The following NKAIN3 variants were observed in gnomAD, a reference collection of about 807,000 sequenced individuals.
NKAIN3 encodes the protein sodium/potassium-transporting ATPase subunit beta-1-interacting protein 3.
A neutral mutation model predicts 30.2 loss-of-function variants in NKAIN3; 25 were observed. The observed-to-expected ratio is 0.83, with a 90% confidence interval of 0.60 to 1.16. NKAIN3 has a LOEUF of 1.16. Ranked by LOEUF, NKAIN3 falls within the 50% of genes most tolerant of loss-of-function variation. NKAIN3 has a pLI of 0.00. For missense variants in NKAIN3, 225 were observed against 254.1 expected, an observed-to-expected ratio of 0.89 and a Z score of 0.78; for synonymous variants, 91 against 89.6, an observed-to-expected ratio of 1.02 and a Z score of -0.09.
intron 1 of NKAIN3, among the ~76,000 whole-genome samples, chr8:62,515,125 T>C (rs1230451197): frequency 6.6e-6 from 1 of 152,182 alleles, no homozygotes; most frequent in African/African-American, 2.4e-5. Context: ...TTGTTTTGTC[T>C]GGGTATGTTT....
intron 1 of NKAIN3, chr8:62,473,242 A>C (rs1806412528): frequency 1.3e-5 from 2 of 152,226 alleles, no homozygotes; most frequent in African/African-American, 4.8e-5. Context: ...GTAATTGTGC[A>C]CTGAAGTACA....
Position 62,495,521 on chromosome 8 carries a change from C to G in NKAIN3, c.55-84018C>G, listed in dbSNP as rs567563715. Among the ~76,000 whole-genome samples the G allele has an allele frequency of 4.0e-5, 6 of 149,846 alleles. No homozygotes were observed. In the East Asian group the frequency reaches 7.8e-4, roughly 20 times the overall value. Reference sequence around the variant, plus strand: ...AAGAATACAAAAGTAGACCTGCTGTCTGCTCTTGGGGAACAATGAGACAGA... The same window carrying G: ...AAGAATACAAAAGTAGACCTGCTGTGTGCTCTTGGGGAACAATGAGACAGA... On this transcript the variant is annotated intron_variant, in intron 1 of 6. Coordinates refer to ENST00000623646, the MANE Select transcript of NKAIN3 (RefSeq NM_001304533.3).
chr8:62,648,943 A>AT (rs1313123332), intron 3 of NKAIN3, among the ~76,000 whole-genome samples: 1 of 152,142 alleles, frequency 6.6e-6, no homozygotes, highest in Non-Finnish European at 1.5e-5. Flanking sequence ...CGGAGCTGGA[A>AT]TTTTGTAAGT....
chr8:62,913,739 C>T (rs1012202962), intron 4 of NKAIN3, among the ~76,000 whole-genome samples: 3 of 152,188 alleles, frequency 2.0e-5, no homozygotes, highest in Non-Finnish European at 2.9e-5. Context: ...GTGTCCTCCT[C>T]TTAGTACAAG....
intron 3 of NKAIN3, among the ~76,000 whole-genome samples, chr8:62,596,404 T>G (rs535151713): frequency 6.6e-6 from 1 of 152,050 alleles, no homozygotes; most frequent in Non-Finnish European, 1.5e-5. Context: ...CTGGTGACCC[T>G]GGCAGTGTAA....
intron 1 of NKAIN3, among the ~76,000 whole-genome samples, chr8:62,273,540 C>G (rs1334578872): frequency 1.3e-5 from 2 of 152,174 alleles, no homozygotes; most frequent in East Asian, 1.9e-4. Flanking sequence ...ATGCAGCAGA[C>G]AGTTCTTTCT....
chr8:62,627,854 A>C (rs1279996598), intron 3 of NKAIN3, among the ~76,000 whole-genome samples: 1 of 152,068 alleles, frequency 6.6e-6, no homozygotes, highest in Non-Finnish European at 1.5e-5. Context: ...CTTACTGGCC[A>C]TGTGCCCTTA....
intron 3 of NKAIN3, among the ~76,000 whole-genome samples, chr8:62,632,238 A>G (rs1028640794): frequency 2.0e-5 from 3 of 152,284 alleles, no homozygotes; most frequent in Non-Finnish European, 2.9e-5. Context: ...TATTTCTAAC[A>G]TAACATTTAT....
intron 3 of NKAIN3, among the ~76,000 whole-genome samples, chr8:62,678,889 C>G (rs188099179): frequency 2.0e-5 from 3 of 152,092 alleles, no homozygotes; most frequent in Admixed American, 2.0e-4. Context: ...ATAAATGTGT[C>G]ATGTATCTAG....
intron 1 of NKAIN3, among the ~76,000 whole-genome samples, chr8:62,435,488 C>A (rs1259696779): frequency 6.6e-6 from 1 of 152,074 alleles, no homozygotes; most frequent in Non-Finnish European, 1.5e-5. Flanking sequence ...ATATACGAAG[C>A]CAAGAAATAA....
intron 3 of NKAIN3, among the ~76,000 whole-genome samples, chr8:62,722,998 T>C (rs971075628): frequency 2.6e-5 from 4 of 152,142 alleles, no homozygotes; most frequent in African/African-American, 9.7e-5. Flanking sequence ...ATCTTCAACT[T>C]TGCAATTAAT....
chr8:62,352,759 G>T (rs1294003319), intron 1 of NKAIN3, among the ~76,000 whole-genome samples: 4 of 152,080 alleles, frequency 2.6e-5, no homozygotes, highest in African/African-American at 9.7e-5. Flanking sequence ...ATAATTACAG[G>T]TGAGCATGCG....
intron 1 of NKAIN3, among the ~76,000 whole-genome samples, chr8:62,411,604 G>C (rs111316749): frequency 6.6e-6 from 1 of 152,176 alleles, no homozygotes; most frequent in Non-Finnish European, 1.5e-5. Flanking sequence ...AGGAAAAGAA[G>C]ATGTCAAACT....
intron 4 of NKAIN3, among the ~76,000 whole-genome samples, chr8:62,849,887 C>T (rs1819829738): frequency 6.6e-6 from 1 of 151,996 alleles, no homozygotes; most frequent in Non-Finnish European, 1.5e-5. Flanking sequence ...CAAGTCTTTG[C>T]TATTGTGAAT....
chr8:62,684,758 T>C (rs1813745076), intron 3 of NKAIN3, among the ~76,000 whole-genome samples: 1 of 152,132 alleles, frequency 6.6e-6, no homozygotes, highest in Non-Finnish European at 1.5e-5. Context: ...GTCATTGGGG[T>C]GGGCCCTAAT....
chr8:62,876,533 A>G (rs976471733), intron 4 of NKAIN3, among the ~76,000 whole-genome samples: 8 of 152,200 alleles, frequency 5.3e-5, no homozygotes, highest in African/African-American at 1.7e-4. Flanking sequence ...TTGCAGCACT[A>G]TTTACAATAG....
chr8:62,991,046 G>A (rs1392571269), intron 5 of NKAIN3: 1 of 152,268 alleles, frequency 6.6e-6, no homozygotes, highest in Non-Finnish European at 1.5e-5. Context: ...AACCTCAGGA[G>A]ATGCCTTCCA....
intron 1 of NKAIN3, among the ~76,000 whole-genome samples, chr8:62,549,951 G>A (rs1809143202): frequency 6.8e-6 from 1 of 147,886 alleles, no homozygotes; most frequent in Non-Finnish European, 1.5e-5. Flanking sequence ...TAGATCACTG[G>A]ACATGGGTAG....
intron 1 of NKAIN3, among the ~76,000 whole-genome samples, chr8:62,452,558 T>C (rs558266566): frequency 2.0e-5 from 3 of 152,260 alleles, no homozygotes; most frequent in African/African-American, 7.2e-5. Context: ...GCAAAAGTCA[T>C]TTCCAATGTG....
Sources: gnomAD v4.1 joint callset for allele counts (sites outside exome capture counted in the v4.1 genomes callset) on GRCh38, gnomAD v4.1.1 for gene constraint, MANE v1.5 for transcripts, NCBI Gene and HGNC (gene_info 2026-07-23, HGNC 2026-07-21) for gene names.